The following SNED1 variants were observed in gnomAD, a reference collection of about 807,000 sequenced individuals.
SNED1 encodes the protein sushi, nidogen and EGF-like domain-containing protein 1.
Under a neutral mutation model 166.7 loss-of-function variants are expected in SNED1, and 81 were observed. The observed-to-expected ratio is 0.49, with a 90% CI of 0.41 to 0.58. The LOEUF is 0.58. Ranked by LOEUF, SNED1 falls within the 20% of genes least tolerant of loss-of-function variation. The probability of loss-of-function intolerance (pLI) is 0.00; values close to 1 mark genes in which losing one functional copy is unlikely to be tolerated. For synonymous variants in SNED1, 762 were observed against 822.0 expected (o/e 0.93, Z 1.25); for missense variants, 1,604 against 2,000.2 (o/e 0.80, Z 3.78).
rs1435934854 is a variant in SNED1, at chr2:241,064,574, G to A, written c.2600-270G>A. 6.6e-6 allele frequency among the ~76,000 whole-genome samples: 1 copy of A among 152,194 alleles called. No homozygotes were observed. The highest frequency in any genetic ancestry group is 1.5e-5 in the Non-Finnish European group (1 of 68,026). On this transcript the variant is annotated intron_variant, in intron 19 of 31. Transcript: ENST00000310397. This position sits in a 1 kb window ranked among gnomAD's most constrained non-coding sequence, Gnocchi z 7.0. ...CCCTCCTCAAGCAGGACTGTCACTGGGGTGGTGGCCTGTCCTGTCCTGATC... is the reference window on the plus strand; with the variant it reads ...CCCTCCTCAAGCAGGACTGTCACTGAGGTGGTGGCCTGTCCTGTCCTGATC...
In SNED1 at chr2:241,069,091, C is replaced by A; in HGVS notation, c.3307+68C>A. Reference sequence around the variant, plus strand: ...TCTAGAAGCTCTGGCTTCCTTCCAGCCTCCCCTAGTCCTCTCCAAAGCGTC... The same window carrying A: ...TCTAGAAGCTCTGGCTTCCTTCCAGACTCCCCTAGTCCTCTCCAAAGCGTC... On this transcript the variant is annotated intron_variant, in intron 23 of 31. Transcript: ENST00000310397. This position sits in a 1 kb window ranked among gnomAD's most constrained non-coding sequence, Gnocchi z 4.9. 2 of 1,098,290 alleles carry A rather than the reference C, an allele frequency of 1.8e-6. No homozygotes were observed. Among genetic ancestry groups the A allele is most frequent in the Non-Finnish European group, 2.6e-6 (2 of 758,522 alleles). The allele number at this position is 1,098,290 out of a possible 1,614,324, so 68.0% of individuals were successfully genotyped here.
At chr2:241,071,742 CCCA>C (rs2062731161) in intron 25 of SNED1, 22 bp downstream of exon 25, 2 of 1,536,710 alleles carry the variant, frequency 1.3e-6, no homozygotes, top group Non-Finnish European at 8.8e-7. Flanking sequence ...ACCCATCGGC[CCCA>C]TCGCCCGAGG....
At chr2:241,030,025 T>G (rs1257360549) in intron 1 of SNED1, among the ~76,000 whole-genome samples, 1 of 152,218 alleles carries the variant, frequency 6.6e-6, no homozygotes, top group Non-Finnish European at 1.5e-5. Context: ...CAACCAGGAC[T>G]GGGCACTCCA....
intron 1 of SNED1, among the ~76,000 whole-genome samples, chr2:241,001,048 C>T (rs575026890): frequency 3.5e-4 from 53 of 152,320 alleles, no homozygotes; most frequent in Admixed American, 5.2e-4. Context: ...CCACCCAGGC[C>T]GAGCGGACCC....
At chr2:241,003,053 A>G (rs1320638748) in intron 1 of SNED1, among the ~76,000 whole-genome samples, 1 of 151,858 alleles carries the variant, frequency 6.6e-6, no homozygotes, top group Non-Finnish European at 1.5e-5. Flanking sequence ...GAGCCATACA[A>G]AACACCAGTG....
At chr2:241,071,907 T>C in intron 26 of SNED1, 29 bp downstream of exon 26, 1 of 1,554,848 alleles carries the variant, frequency 6.4e-7, no homozygotes, top group Non-Finnish European at 8.8e-7. Context: ...CCACCCACCT[T>C]GGTGGCCCAC....
chr2:241,055,092 G>A (rs1238177770), intron 16 of SNED1, among the ~76,000 whole-genome samples: 1 of 151,870 alleles, frequency 6.6e-6, no homozygotes, highest in Non-Finnish European at 1.5e-5. Flanking sequence ...ACTCCTACTT[G>A]GGTGATAGAG....
At position 241,067,778 on chromosome 2, in the gene SNED1, G is replaced by A; in HGVS notation, c.3025G>A (p.Glu1009Lys). ...LLARTRPRPV[E>K]GFEVTNVTAS... ...ATTCCCCCTAGGACCCCGCCCTGTG[G>A]AAGGCTTCGAGGTCACCAATGTGAC... Residue 1009 changes from glutamate (E) to lysine (K), a missense_variant, in exon 22 of 32, where the codon GAA becomes AAA. Glu to Lys is a moderately conservative substitution (Grantham distance 56). Around this residue, in one of 2 missense-constraint regions of SNED1, gnomAD observed 1,237 missense variants for 1,620.8 expected, o/e 0.76. Coordinates refer to ENST00000310397, the MANE Select transcript of SNED1 (RefSeq NM_001080437.3). 1 of 1,608,238 alleles carries A rather than the reference G, an allele frequency of 6.2e-7. No homozygotes were observed. The highest frequency in any genetic ancestry group is 8.5e-7 in the Non-Finnish European group (1 of 1,175,414).
At chr2:241,000,914 C>T (rs576412232) in intron 1 of SNED1, among the ~76,000 whole-genome samples, 2 of 152,306 alleles carry the variant, frequency 1.3e-5, no homozygotes, top group East Asian at 1.9e-4. Flanking sequence ...AGTAACTGTG[C>T]GGACTCTGTG....
chr2:241,038,823 G>A (rs1035760312), intron 6 of SNED1, among the ~76,000 whole-genome samples: 2 of 152,160 alleles, frequency 1.3e-5, no homozygotes, highest in Non-Finnish European at 2.9e-5. Flanking sequence ...CTGGCCAGGG[G>A]CCTGGCTGCG....
intron 1 of SNED1, among the ~76,000 whole-genome samples, chr2:241,021,223 C>G (rs1041606607): frequency 6.6e-6 from 1 of 152,228 alleles, no homozygotes; most frequent in Non-Finnish European, 1.5e-5. Flanking sequence ...TTCCCCACCA[C>G]TGCGCTTCCC....
chr2:241,017,087 G>C (rs1000901406), intron 1 of SNED1, among the ~76,000 whole-genome samples: 5 of 152,002 alleles, frequency 3.3e-5, no homozygotes, highest in Non-Finnish European at 5.9e-5. Flanking sequence ...CCGACCTCAG[G>C]TGATCCACCC....
chr2:241,049,168 G>C, intron 11 of SNED1, 33 bp downstream of exon 11: 1 of 1,551,788 alleles, frequency 6.4e-7, no homozygotes, highest in Admixed American at 1.8e-5. Context: ...TGCTGGGCCG[G>C]GGGCCCGGAC....
chr2:241,018,855 C>A lies in SNED1; in HGVS notation c.214-11429C>A, dbSNP rs1333903608. Among the ~76,000 whole-genome samples the A allele has an allele frequency of 3.9e-5, 6 of 152,310 alleles. No individual in the cohort carries two copies. In the East Asian group the frequency reaches 1.2e-3, roughly 29 times the overall value. On this transcript the variant is annotated intron_variant, in intron 1 of 31. Coordinates refer to ENST00000310397, the MANE Select transcript of SNED1 (RefSeq NM_001080437.3). The surrounding 1 kb of genome is among the most constrained non-coding windows in gnomAD (Gnocchi z 5.4). ...GGCCCCTTTTTGGCCTGGCTGCCAC[C>A]TGGAGAGCAAACCAACCAGGCGGGC...
chr2:241,075,389 C>T lies in SNED1; in HGVS notation c.3916+2025C>T, dbSNP rs924828655. On this transcript the variant is annotated intron_variant, in intron 27 of 31. Transcript: ENST00000310397. The surrounding 1 kb of genome is among the most constrained non-coding windows in gnomAD (Gnocchi z 4.8). Reference sequence around the variant, plus strand: ...CAGTCTCTCTAGAACTAGGTTTTGCCGGGTTTGCAGATCCTACAGGCAGAA... The same window carrying T: ...CAGTCTCTCTAGAACTAGGTTTTGCTGGGTTTGCAGATCCTACAGGCAGAA... The T allele has an allele frequency of 6.6e-6, 1 of 152,130 alleles. No homozygotes were observed. The highest frequency in any genetic ancestry group is 1.5e-5 in the Non-Finnish European group (1 of 68,042). The allele number at this position is 152,130 out of a possible 1,614,324, so 9.4% of individuals were successfully genotyped here.
At chr2:241,025,226 TTG>T (rs922172832) in intron 1 of SNED1, among the ~76,000 whole-genome samples, 2 of 152,122 alleles carry the variant, frequency 1.3e-5, no homozygotes, top group African/African-American at 4.8e-5. Flanking sequence ...GGGATCTAGG[TTG>T]TGTGCTCCTT....
In SNED1 at chr2:241,069,326, C is replaced by G. The variant is rs1015314316; in HGVS notation, c.3307+303C>G. On this transcript the variant is annotated intron_variant, in intron 23 of 31. Transcript: ENST00000310397. This position sits in a 1 kb window ranked among gnomAD's most constrained non-coding sequence, Gnocchi z 4.9. The stretch of plus-strand genomic sequence containing the variant: ...AGGACCTCACTGGGCCAGGGATACC[C>G]ATGCTATCCAGGGCCCTTGTACCTT... Among the ~76,000 whole-genome samples, 1 of 152,192 alleles carries G rather than the reference C, an allele frequency of 6.6e-6. No individual in the cohort carries two copies. Among genetic ancestry groups the G allele is most frequent in the East Asian group, 1.9e-4 (1 of 5,188 alleles).
At chr2:241,065,622 C>G in intron 21 of SNED1, 27 bp downstream of exon 21, 1 of 1,601,604 alleles carries the variant, frequency 6.2e-7, no homozygotes, top group Non-Finnish European at 8.5e-7. Flanking sequence ...CTGGCCGTCC[C>G]TGCCCAGCCC....
rs1308254455 is a variant in SNED1 at position 241,092,206 on chromosome 2, C to G, written c.*570C>G. The G allele has an allele frequency of 6.6e-6, 1 of 152,176 alleles. No homozygotes were observed. The highest frequency in any genetic ancestry group is 1.5e-5 in the Non-Finnish European group (1 of 68,038). The allele number at this position is 152,176 out of a possible 1,614,324, so 9.4% of individuals were successfully genotyped here. A position where few individuals can be genotyped will look rare whatever the true frequency, so the allele number is the denominator to read the frequency against. On this transcript the variant is annotated 3_prime_UTR_variant, in exon 32 of 32. Transcript: ENST00000310397. The surrounding 1 kb of genome is among the most constrained non-coding windows in gnomAD (Gnocchi z 4.6). ...GGTCCTCCAGCGTGTTTATGACGCT[C>G]GTGCAGGTCGACGAGCCATCCTATG... is the stretch of plus-strand genomic sequence containing the variant.
Sources: gnomAD v4.1 joint callset for allele counts (sites outside exome capture counted in the v4.1 genomes callset) on GRCh38, gnomAD v4.1.1 for gene constraint, gnomAD v4.1.1 regional missense constraint, Gnocchi (gnomAD v3.1) non-coding constraint, MANE v1.5 for transcripts, NCBI Gene and HGNC (gene_info 2026-07-23, HGNC 2026-07-21) for gene names.